The following MECOM variants were observed in gnomAD, a reference collection of about 807,000 sequenced individuals.
MECOM encodes the protein histone-lysine N-methyltransferase MECOM.
MECOM carries 13 observed loss-of-function variants against 116.3 expected under a neutral mutation model. That is an observed-to-expected ratio of 0.11 (90% CI 0.07 to 0.18). The LOEUF (loss-of-function observed/expected upper bound fraction) is 0.18. Ranked by LOEUF, MECOM falls within the 10% of genes least tolerant of loss-of-function variation. The pLI, the probability that MECOM is intolerant of heterozygous loss-of-function variation, is 1.00. For missense variants in MECOM, 1,299 were observed against 1,509.0 expected, an observed-to-expected ratio of 0.86 and a Z score of 2.31; for synonymous variants, 528 against 535.2, an observed-to-expected ratio of 0.99 and a Z score of 0.19.
chr3:169,431,018 T>A (rs879624529), intron 1 of MECOM, among the ~76,000 whole-genome samples: 1 of 152,206 alleles, frequency 6.6e-6, no homozygotes, highest in African/African-American at 2.4e-5. Context: ...GGCTTGTTTT[T>A]CCCCTTGTCT....
chr3:169,104,318 T>TA (rs1349274216), intron 10 of MECOM, among the ~76,000 whole-genome samples: 4 of 152,218 alleles, frequency 2.6e-5, no homozygotes, highest in Non-Finnish European at 5.9e-5. Flanking sequence ...ATTTATTTGT[T>TA]AAAAAATCAA....
At chr3:169,302,736 C>T (rs1010399491) in intron 2 of MECOM, among the ~76,000 whole-genome samples, 29 of 151,936 alleles carry the variant, frequency 1.9e-4, no homozygotes, top group African/African-American at 6.8e-4. Context: ...TGGTGGCAGG[C>T]ACCTGTAATC....
At chr3:169,336,384 C>A (rs1228511240) in intron 2 of MECOM, among the ~76,000 whole-genome samples, 1 of 151,394 alleles carries the variant, frequency 6.6e-6, no homozygotes, top group Non-Finnish European at 1.5e-5. Context: ...TACCTCATGG[C>A]CTACAGGAAA....
At chr3:169,131,380 A>T in intron 4 of MECOM, 49 bp downstream of exon 4, 1 of 1,414,092 alleles carries the variant, frequency 7.1e-7, no homozygotes, top group African/African-American at 1.4e-5. Flanking sequence ...ATGCTACTTT[A>T]TAGTCGCGAT....
chr3:169,407,871 T>C (rs1202897751), intron 1 of MECOM, among the ~76,000 whole-genome samples: 1 of 152,216 alleles, frequency 6.6e-6, no homozygotes, highest in African/African-American at 2.4e-5. Flanking sequence ...GAATTCCACT[T>C]CTTGATGGTT....
chr3:169,332,384 A>G (rs1366893322), intron 2 of MECOM, among the ~76,000 whole-genome samples: 1 of 152,154 alleles, frequency 6.6e-6, no homozygotes, highest in Non-Finnish European at 1.5e-5. Context: ...TAATCTTGTA[A>G]TATTAATTCC....
intron 1 of MECOM, among the ~76,000 whole-genome samples, chr3:169,428,297 A>G (rs939177564): frequency 1.3e-5 from 2 of 152,164 alleles, no homozygotes. Context: ...CAATTTTTTC[A>G]TGGACTGTGG....
In MECOM at chr3:169,208,842, T is replaced by C. The variant is rs186952594; in HGVS notation, c.376-65010A>G. On this transcript the variant is annotated intron_variant, in intron 2 of 16. Transcript: ENST00000651503. ...CTTCACAGAATTAGAAAAAACTACT[T>C]TAAATTTCATTTGGAACCAAAAAAG... Among the ~76,000 whole-genome samples the C allele has an allele frequency of 5.9e-5, 9 of 151,596 alleles. No individual in the cohort carries two copies. In the East Asian group the frequency reaches 1.7e-3, roughly 29 times the overall value.
At chr3:169,281,901 T>C (rs1433122715) in intron 2 of MECOM, among the ~76,000 whole-genome samples, 2 of 152,204 alleles carry the variant, frequency 1.3e-5, no homozygotes, top group African/African-American at 4.8e-5. Context: ...ATCAAAACTT[T>C]AGTCACCTGG....
chr3:169,345,601 A>G (rs942259655), intron 2 of MECOM, among the ~76,000 whole-genome samples: 3 of 152,146 alleles, frequency 2.0e-5, no homozygotes, highest in African/African-American at 7.2e-5. Flanking sequence ...AGAGCCACAA[A>G]TTGAGAGAGA....
intron 2 of MECOM, among the ~76,000 whole-genome samples, chr3:169,156,248 TC>T (rs1741959814): frequency 6.6e-6 from 1 of 152,130 alleles, no homozygotes; most frequent in Non-Finnish European, 1.5e-5. Context: ...GTCTAGGAAA[TC>T]CTTTAGTAAA....
intron 1 of MECOM, among the ~76,000 whole-genome samples, chr3:169,512,130 G>A (rs1207390485): frequency 2.0e-5 from 3 of 152,108 alleles, no homozygotes; most frequent in African/African-American, 4.8e-5. Flanking sequence ...CAATCTGTTC[G>A]ACAGGCCATC....
chr3:169,652,253 C>A (rs1169828909), intron 1 of MECOM, among the ~76,000 whole-genome samples: 7 of 152,202 alleles, frequency 4.6e-5, no homozygotes, highest in Non-Finnish European at 8.8e-5. Context: ...AGGTCATGAA[C>A]TATGACCCTA....
At chr3:169,398,445 T>C (rs1309673898) in intron 1 of MECOM, among the ~76,000 whole-genome samples, 1 of 152,208 alleles carries the variant, frequency 6.6e-6, no homozygotes, top group Non-Finnish European at 1.5e-5. Context: ...AATAATACTT[T>C]ATCCTGGGTC....
rs1040912103 is a variant in MECOM at position 169,349,003 on chromosome 3, A to G, written c.375+32184T>C. ...TAAATACTTCAGGAGACTGAGAACC[A>G]GAGTGGAACTGCATTTTTTTACATC... On this transcript the variant is annotated intron_variant, in intron 2 of 16. Coordinates refer to ENST00000651503, the MANE Select transcript of MECOM (RefSeq NM_004991.4). Among the ~76,000 whole-genome samples the G allele has an allele frequency of 2.0e-5, 3 of 151,934 alleles. No homozygotes were observed. In the East Asian group the frequency reaches 5.8e-4, roughly 29 times the overall value.
chr3:169,109,568 C>A (rs1489196719), intron 9 of MECOM, among the ~76,000 whole-genome samples: 1 of 152,142 alleles, frequency 6.6e-6, no homozygotes, highest in East Asian at 1.9e-4. Flanking sequence ...GCATGTGCTA[C>A]CACGCCCGGC....
At chr3:169,274,163 C>T (rs1013297036) in intron 2 of MECOM, among the ~76,000 whole-genome samples, 1 of 151,952 alleles carries the variant, frequency 6.6e-6, no homozygotes, top group Non-Finnish European at 1.5e-5. Context: ...CTGCCCTCCT[C>T]GACCTCACAA....
chr3:169,369,363 T>C (rs922315518), intron 2 of MECOM, among the ~76,000 whole-genome samples: 1 of 148,746 alleles, frequency 6.7e-6, no homozygotes, highest in African/African-American at 2.5e-5. Context: ...TTTTTTTTTT[T>C]TGAGACAGGG....
At chr3:169,648,150 C>A (rs963530500) in intron 1 of MECOM, among the ~76,000 whole-genome samples, 4 of 152,138 alleles carry the variant, frequency 2.6e-5, no homozygotes, top group Admixed American at 1.3e-4. Flanking sequence ...TAGAAGGAAA[C>A]AAATGTCACA....
Sources: gnomAD v4.1 joint callset for allele counts (sites outside exome capture counted in the v4.1 genomes callset) on GRCh38, gnomAD v4.1.1 for gene constraint, MANE v1.5 for transcripts, NCBI Gene and HGNC (gene_info 2026-07-23, HGNC 2026-07-21) for gene names.